The following SDK1 variants were observed in gnomAD, a reference collection of about 807,000 sequenced individuals.
SDK1 encodes sidekick cell adhesion molecule 1, also known as protein sidekick-1.
SDK1 carries 157 observed loss-of-function variants against 245.5 expected under a neutral mutation model. The ratio of observed to expected loss-of-function variants is 0.64; its 90% CI spans 0.56 to 0.73. The LOEUF (loss-of-function observed/expected upper bound fraction) is 0.73, where lower values mean the gene tolerates loss of function less well. Among genes scored for constraint, SDK1 ranks in the 30% least tolerant of loss-of-function variants. The probability of loss-of-function intolerance (pLI) is 0.00; values close to 1 mark genes in which losing one functional copy is unlikely to be tolerated. For synonymous variants in SDK1, 1,647 were observed against 1,278.5 expected (o/e 1.29, Z -6.15); for missense variants, 3,583 against 3,002.3 (o/e 1.19, Z -4.52).
chr7:3,326,254 C>G (rs1267891533), intron 1 of SDK1, among the ~76,000 whole-genome samples: 2 of 152,094 alleles, frequency 1.3e-5, no homozygotes, highest in East Asian at 3.8e-4. Context: ...CTAGAAATCT[C>G]TATGGTTATA....
At chr7:4,093,520 A>G (rs950570945) in intron 22 of SDK1, among the ~76,000 whole-genome samples, 7 of 150,766 alleles carry the variant, frequency 4.6e-5, no homozygotes, top group African/African-American at 1.7e-4. Context: ...AATAGTAGCC[A>G]TTTTCTTAGA....
At chr7:4,166,553 GTC>G (rs1781513023) in intron 32 of SDK1, among the ~76,000 whole-genome samples, 2 of 152,342 alleles carry the variant, frequency 1.3e-5, no homozygotes, top group South Asian at 4.1e-4. Context: ...TTGATGTTGT[GTC>G]TCACGGGTAT....
At chr7:3,981,254 G>A (rs955244808) in intron 13 of SDK1, among the ~76,000 whole-genome samples, 7 of 152,128 alleles carry the variant, frequency 4.6e-5, no homozygotes, top group Non-Finnish European at 7.3e-5. Flanking sequence ...CATGAGCCAC[G>A]CCGATGTTAA....
chr7:3,344,712 A>G (rs977672126), intron 1 of SDK1, among the ~76,000 whole-genome samples: 2 of 152,230 alleles, frequency 1.3e-5, no homozygotes, highest in African/African-American at 2.4e-5. Context: ...GCACGTTTCA[A>G]TCAGATGGGC....
At position 3,358,054 on chromosome 7, in the gene SDK1, C is replaced by T. The variant is rs577567423; in HGVS notation, c.298+56170C>T. On this transcript the variant is annotated intron_variant, in intron 1 of 44. Transcript: ENST00000404826. ...TTTTTGGGGGATGGACAGAGTCTTA[C>T]TCTGTGTCCCAGGCTGGAGTGCAGT... 3.3e-5 allele frequency among the ~76,000 whole-genome samples: 5 copies of T among 152,080 alleles called. No individual in the cohort carries two copies. The East Asian group carries it at 7.7e-4, about 24-fold the overall frequency.
At chr7:3,536,360 C>T (rs1364591394) in intron 1 of SDK1, among the ~76,000 whole-genome samples, 3 of 151,966 alleles carry the variant, frequency 2.0e-5, no homozygotes, top group African/African-American at 7.3e-5. Flanking sequence ...ACTGCTGCAC[C>T]CGGCCACTAG....
At chr7:4,000,453 C>T (rs931902850) in intron 14 of SDK1, among the ~76,000 whole-genome samples, 2 of 152,172 alleles carry the variant, frequency 1.3e-5, no homozygotes, top group Admixed American at 6.5e-5. Flanking sequence ...GAGCCCCTCC[C>T]CAGCATCTTT....
At chr7:3,727,711 G>A (rs895921369) in intron 4 of SDK1, among the ~76,000 whole-genome samples, 30 of 151,946 alleles carry the variant, frequency 2.0e-4, no homozygotes, top group African/African-American at 7.3e-4. Flanking sequence ...GGCTGGTCTC[G>A]AACTCCTGAC....
chr7:4,059,549 A>G (rs995318482), intron 19 of SDK1, among the ~76,000 whole-genome samples: 3 of 152,360 alleles, frequency 2.0e-5, no homozygotes, highest in African/African-American at 4.8e-5. Context: ...CAGAAAAATA[A>G]CAAAGAAACA....
chr7:3,874,281 A>G (rs1437089151), intron 5 of SDK1, among the ~76,000 whole-genome samples: 1 of 151,818 alleles, frequency 6.6e-6, no homozygotes, highest in African/African-American at 2.4e-5. Context: ...TCTGCTCCCC[A>G]TTTGTCTTTT....
chr7:4,228,631 C>G (rs1228476917), intron 40 of SDK1, among the ~76,000 whole-genome samples: 1 of 152,192 alleles, frequency 6.6e-6, no homozygotes, highest in Non-Finnish European at 1.5e-5. Context: ...CCTTCACCTC[C>G]CGGGATCAAG....
intron 38 of SDK1, among the ~76,000 whole-genome samples, chr7:4,219,294 C>T (rs1785005661): frequency 6.6e-6 from 1 of 152,198 alleles, no homozygotes; most frequent in African/African-American, 2.4e-5. Flanking sequence ...CTTCCTACAT[C>T]TTGTATACGC....
At chr7:3,948,590 A>G (rs970299216) in intron 5 of SDK1, among the ~76,000 whole-genome samples, 1 of 152,160 alleles carries the variant, frequency 6.6e-6, no homozygotes, top group African/African-American at 2.4e-5. Flanking sequence ...CTGTAGGTGA[A>G]TCAACACGAA....
intron 22 of SDK1, among the ~76,000 whole-genome samples, chr7:4,085,831 A>G (rs1301687559): frequency 1.3e-5 from 2 of 152,226 alleles, no homozygotes; most frequent in East Asian, 1.9e-4. Context: ...CTGGGATTAC[A>G]GGTGTGAGCC....
chr7:4,152,906 A>G (rs905749946), intron 30 of SDK1, among the ~76,000 whole-genome samples: 3 of 152,182 alleles, frequency 2.0e-5, no homozygotes, highest in African/African-American at 7.2e-5. Context: ...AGACGTGTTC[A>G]GGTGTTGCCA....
intron 4 of SDK1, among the ~76,000 whole-genome samples, chr7:3,745,428 A>T (rs1779588559): frequency 6.6e-6 from 1 of 152,252 alleles, no homozygotes. Flanking sequence ...GAAATGTTGC[A>T]TAACTGGAGT....
At chr7:3,446,594 A>C (rs1011491789) in intron 1 of SDK1, among the ~76,000 whole-genome samples, 9 of 152,168 alleles carry the variant, frequency 5.9e-5, no homozygotes, top group African/African-American at 2.2e-4. Flanking sequence ...TCAATTTAAT[A>C]AGTCTCTGCT....
intron 5 of SDK1, among the ~76,000 whole-genome samples, chr7:3,867,548 G>A (rs1583492853): frequency 6.6e-6 from 1 of 152,186 alleles, no homozygotes; most frequent in South Asian, 2.1e-4. Context: ...GTGGCTGCAG[G>A]CAAAGAGAGA....
intron 14 of SDK1, among the ~76,000 whole-genome samples, chr7:4,006,611 G>C (rs1299878861): frequency 4.0e-5 from 6 of 151,884 alleles, no homozygotes; most frequent in Admixed American, 3.9e-4. Context: ...ATTTTTTTTT[G>C]TATGAATCAG....
Sources: gnomAD v4.1 joint callset for allele counts (sites outside exome capture counted in the v4.1 genomes callset) on GRCh38, gnomAD v4.1.1 for gene constraint, MANE v1.5 for transcripts, NCBI Gene and HGNC (gene_info 2026-07-23, HGNC 2026-07-21) for gene names.